SULT2B1: variants seen among roughly 807,000 people sequenced by gnomAD.
SULT2B1 encodes the protein sulfotransferase family 2B member 1.
A neutral mutation model predicts 33.2 loss-of-function variants in SULT2B1; 16 were observed. The observed-to-expected ratio is 0.48, with a 90% CI of 0.33 to 0.73. The LOEUF (loss-of-function observed/expected upper bound fraction) is 0.73, where lower values mean the gene tolerates loss of function less well. Among genes scored for constraint, SULT2B1 ranks in the 30% least tolerant of loss-of-function variants. SULT2B1 has a pLI of 0.02. For synonymous variants in SULT2B1, 186 were observed against 200.5 expected (o/e 0.93, Z 0.61); for missense variants, 500 against 506.0 (o/e 0.99, Z 0.11).
chr19:48,591,865 G>C, intron 4 of SULT2B1, 130 bp downstream of exon 4: 11 of 1,132,438 alleles, frequency 9.7e-6, no homozygotes, highest in Non-Finnish European at 1.3e-5. Flanking sequence ...GGGCAATAGA[G>C]ACAGAGAGCA....
chr19:48,591,381 G>A, intron 3 of SULT2B1: 1 of 371,510 alleles, frequency 2.7e-6, no homozygotes, highest in South Asian at 3.4e-5. Flanking sequence ...TGACACAGGA[G>A]AATCGCCTGA....
chr19:48,565,809 T>G (rs1419684532), intron 1 of SULT2B1, among the ~76,000 whole-genome samples: 1 of 152,094 alleles, frequency 6.6e-6, no homozygotes, highest in Non-Finnish European at 1.5e-5. Flanking sequence ...GTCACCTAAG[T>G]GGTACAACCA....
intron 1 of SULT2B1, among the ~76,000 whole-genome samples, chr19:48,572,533 AG>A (rs1276073596): frequency 6.6e-6 from 1 of 151,310 alleles, no homozygotes; most frequent in Admixed American, 6.6e-5. Flanking sequence ...TAAAAAAAAG[AG>A]GGTGATATCT....
chr19:48,562,724 A>G (rs9789258), intron 1 of SULT2B1, among the ~76,000 whole-genome samples: 32,400 of 151,854 alleles, frequency 0.21, 3,768 homozygotes, highest in East Asian at 0.43. Context: ...TCCTCACCCA[A>G]TCCAGAGTGC....
chr19:48,559,431 C>T (rs528604975), intron 1 of SULT2B1, among the ~76,000 whole-genome samples: 16 of 152,122 alleles, frequency 1.1e-4, no homozygotes, highest in South Asian at 2.1e-4. Context: ...AGAGCAGTGG[C>T]GTGATTTTAG....
intron 2 of SULT2B1, among the ~76,000 whole-genome samples, chr19:48,584,648 T>TA (rs781598422): frequency 3.3e-5 from 5 of 152,242 alleles, no homozygotes; most frequent in Non-Finnish European, 5.9e-5. Flanking sequence ...CTTACGCCTG[T>TA]AATCCCAGCA....
At chr19:48,591,819 GAA>G in intron 4 of SULT2B1, 84 bp downstream of exon 4, 2 of 1,434,394 alleles carry the variant, frequency 1.4e-6, no homozygotes, top group Non-Finnish European at 1.8e-6. Flanking sequence ...GGAGGGGTAA[GAA>G]AGGGAGAGAG....
intron 2 of SULT2B1, among the ~76,000 whole-genome samples, chr19:48,577,028 A>ATTTTTTTTTTTTTTTTTTT (rs71179012): frequency 1.1e-5 from 1 of 92,954 alleles, no homozygotes; most frequent in Non-Finnish European, 1.9e-5. Context: ...ACCCCCCTCT[A>ATTTTTTTTTTTTTTTTTTT]TTTTTTTTTT....
At chr19:48,559,306 G>A (rs4802489) in intron 1 of SULT2B1, among the ~76,000 whole-genome samples, 12,449 of 152,052 alleles carry the variant, frequency 0.082, 1,101 homozygotes, top group African/African-American at 0.22. Flanking sequence ...AGGAAAGGTT[G>A]GAAGTGGTGA....
At chr19:48,553,976 T>A (rs1973060071) in intron 1 of SULT2B1, among the ~76,000 whole-genome samples, 2 of 152,032 alleles carry the variant, frequency 1.3e-5, no homozygotes, top group Non-Finnish European at 2.9e-5. Context: ...GGAGCCTTTT[T>A]TTTATCTCCG....
chr19:48,583,046 G>C (rs144265431), intron 2 of SULT2B1, among the ~76,000 whole-genome samples: 1 of 147,910 alleles, frequency 6.8e-6, no homozygotes, highest in Non-Finnish European at 1.5e-5. Context: ...AGCTACTTGG[G>C]AGGCTGAGGC....
chr19:48,553,971 CT>C lies in SULT2B1; in HGVS notation c.71+1656del, dbSNP rs533943916. On this transcript the variant is annotated intron_variant, in intron 1 of 6. Transcript: ENST00000201586. The stretch of plus-strand genomic sequence containing the variant: ...CCACCCCAGCCAGGCACCTGGGAGC[CT>C]TTTTTTTATCTCCGCGACGGCTCTG... Among the ~76,000 whole-genome samples the C allele has an allele frequency of 2.4e-3, 359 of 151,990 alleles. 3 individuals are homozygous for C. The highest frequency in any genetic ancestry group is 7.9e-3 in the African/African-American group (329 of 41,434).
chr19:48,567,579 C>T (rs1973262709), intron 1 of SULT2B1, among the ~76,000 whole-genome samples: 3 of 151,976 alleles, frequency 2.0e-5, no homozygotes, highest in Admixed American at 6.6e-5. Flanking sequence ...CAGTGTTACC[C>T]GTGTGTCGGA....
chr19:48,594,666 G>A (rs866396453), intron 5 of SULT2B1, among the ~76,000 whole-genome samples: 25 of 152,154 alleles, frequency 1.6e-4, no homozygotes, highest in Admixed American at 3.3e-4. Context: ...CTGGAAAATC[G>A]GAGCCATGGG....
At chr19:48,577,914 T>A (rs1289883763) in intron 2 of SULT2B1, among the ~76,000 whole-genome samples, 1 of 152,074 alleles carries the variant, frequency 6.6e-6, no homozygotes, top group Non-Finnish European at 1.5e-5. Flanking sequence ...CAATAAATGC[T>A]GTGAAGAAAA....
At chr19:48,598,632 G>A (rs1012558347) in intron 6 of SULT2B1, among the ~76,000 whole-genome samples, 3 of 151,986 alleles carry the variant, frequency 2.0e-5, no homozygotes, top group South Asian at 4.1e-4. Context: ...CCTGAGGCTC[G>A]CTTGCTGCGC....
chr19:48,581,659 G>A (rs920552893), intron 2 of SULT2B1, among the ~76,000 whole-genome samples: 2 of 149,754 alleles, frequency 1.3e-5, no homozygotes, highest in Non-Finnish European at 3.0e-5. Context: ...GGGTTTCACC[G>A]TGTTAGCCAG....
At chr19:48,585,520 T>G (rs540737674) in intron 2 of SULT2B1, among the ~76,000 whole-genome samples, 5 of 151,450 alleles carry the variant, frequency 3.3e-5, no homozygotes, top group African/African-American at 9.7e-5. Flanking sequence ...ATACCAAAAA[T>G]TAGCCAGGCG....
At chr19:48,554,681 T>TTC (rs1973074201) in intron 1 of SULT2B1, among the ~76,000 whole-genome samples, 1 of 78,580 alleles carries the variant, frequency 1.3e-5, no homozygotes, top group Non-Finnish European at 2.4e-5. Flanking sequence ...TTTTTTTTTT[T>TTC]GAGACTGAAT....
Sources: gnomAD v4.1 joint callset for allele counts (sites outside exome capture counted in the v4.1 genomes callset) on GRCh38, gnomAD v4.1.1 for gene constraint, MANE v1.5 for transcripts, NCBI Gene and HGNC (gene_info 2026-07-23, HGNC 2026-07-21) for gene names.